SNX24: variants seen among roughly 807,000 people sequenced by gnomAD.
The protein encoded by SNX24 is sorting nexin-24.
A neutral mutation model predicts 28.7 loss-of-function variants in SNX24; 22 were observed. The observed-to-expected ratio is 0.77, with a 90% CI of 0.55 to 1.10. The LOEUF is 1.10. Ranked by LOEUF, SNX24 falls within the 50% of genes least tolerant of loss-of-function variation. The pLI, the probability that SNX24 is intolerant of heterozygous loss-of-function variation, is 0.00. For missense variants in SNX24, 221 were observed against 201.1 expected (o/e 1.10, Z -0.60); for synonymous variants, 69 against 71.5 (o/e 0.96, Z 0.18).
chr5:123,021,752 GT>G (rs944799269), intron 5 of SNX24, among the ~76,000 whole-genome samples: 1 of 152,068 alleles, frequency 6.6e-6, no homozygotes, highest in Non-Finnish European at 1.5e-5. Flanking sequence ...GCCCAAACTG[GT>G]CCAGTCTCAG....
rs991569288 is a variant in SNX24, at chr5:122,921,938, G to A, written c.61-14796G>A. ...TGTAACTAGCAGAATCTCTTTGTTT[G>A]GGGTAAAAGAAATCAATACAAGAAG... On this transcript the variant is annotated intron_variant, in intron 1 of 6. Coordinates refer to ENST00000261369, the MANE Select transcript of SNX24 (RefSeq NM_014035.4). 2.6e-5 allele frequency among the ~76,000 whole-genome samples: 4 copies of A among 152,234 alleles called. No individual in the cohort carries two copies. In the East Asian group the frequency reaches 5.8e-4, roughly 22 times the overall value.
chr5:122,931,166 CT>C, intron 1 of SNX24, among the ~76,000 whole-genome samples: 1 of 152,252 alleles, frequency 6.6e-6, no homozygotes, highest in East Asian at 1.9e-4. Context: ...TTCTTCCCCC[CT>C]ACCCAAAATA....
intron 5 of SNX24, among the ~76,000 whole-genome samples, chr5:123,019,931 A>G (rs541600196): frequency 1.8e-4 from 28 of 152,322 alleles, no homozygotes; most frequent in African/African-American, 6.3e-4. Flanking sequence ...TAGCAGGGGG[A>G]TGTCCTTAGC....
At chr5:122,968,736 C>T (rs1467102917) in intron 3 of SNX24, among the ~76,000 whole-genome samples, 1 of 152,070 alleles carries the variant, frequency 6.6e-6, no homozygotes, top group African/African-American at 2.4e-5. Flanking sequence ...TATCTATTCA[C>T]AGTACTCACA....
At chr5:122,902,726 C>T (rs181772947) in intron 1 of SNX24, among the ~76,000 whole-genome samples, 33 of 152,262 alleles carry the variant, frequency 2.2e-4, no homozygotes, top group African/African-American at 7.9e-4. Context: ...CAGGGTGACC[C>T]TGTCATGCTT....
intron 2 of SNX24, among the ~76,000 whole-genome samples, chr5:122,939,598 A>G (rs571648842): frequency 6.6e-5 from 10 of 152,300 alleles, no homozygotes; most frequent in African/African-American, 2.4e-4. Context: ...TTCTATCTTA[A>G]AATTAGTCAT....
rs924175716 is a variant in SNX24, at chr5:122,873,391, C to T, written c.60+27698C>T. Among the ~76,000 whole-genome samples, 4 of 152,152 alleles carry T rather than the reference C, an allele frequency of 2.6e-5. No individual in the cohort carries two copies. In the South Asian group the frequency reaches 6.2e-4, roughly 24 times the overall value. On this transcript the variant is annotated intron_variant, in intron 1 of 6. Coordinates refer to ENST00000261369, the MANE Select transcript of SNX24 (RefSeq NM_014035.4). ...TGGCCTAGATAATTCTAAATGCCTG[C>T]GTGGGGAGGCAGGCAGTCTGTTTAA...
chr5:123,028,948 A>G (rs1762903217), intron 5 of SNX24: 1 of 1,228,392 alleles, frequency 8.1e-7, no homozygotes, highest in Non-Finnish European at 1.2e-6. Context: ...TAGAAAGGAC[A>G]AACTGAGAAA....
chr5:122,868,952 T>C (rs1364762956), intron 1 of SNX24, among the ~76,000 whole-genome samples: 3 of 152,230 alleles, frequency 2.0e-5, no homozygotes, highest in Non-Finnish European at 4.4e-5. Flanking sequence ...AACATCGTAG[T>C]GTTTTTCTTC....
At chr5:122,925,024 CCTT>C (rs1360429495) in intron 1 of SNX24, among the ~76,000 whole-genome samples, 5 of 144,820 alleles carry the variant, frequency 3.5e-5, no homozygotes, top group Non-Finnish European at 7.6e-5. Context: ...CTCCCCTTCT[CCTT>C]CTCTCCCCAC....
chr5:122,970,662 G>T (rs564107698), intron 3 of SNX24, among the ~76,000 whole-genome samples: 1 of 152,232 alleles, frequency 6.6e-6, no homozygotes, highest in South Asian at 2.1e-4. Flanking sequence ...TAGAGACAGG[G>T]TTTCACCGTG....
intron 1 of SNX24, among the ~76,000 whole-genome samples, chr5:122,888,890 C>T (rs547907587): frequency 9.9e-5 from 15 of 152,252 alleles, no homozygotes; most frequent in East Asian, 5.8e-4. Flanking sequence ...CTCACTCTGT[C>T]GCCAAGAATG....
rs545807140 is a variant in SNX24 at position 122,962,961 on chromosome 5, T to C, written c.249+16802T>C. Among the ~76,000 whole-genome samples the C allele has an allele frequency of 3.3e-5, 5 of 152,272 alleles. No individual in the cohort carries two copies. In the South Asian group the frequency reaches 1.0e-3, roughly 32 times the overall value. The stretch of plus-strand genomic sequence containing the variant: ...GTTAAATTTTCCTCTAGGCTGGGCA[T>C]GGTGGCTCATGCCTGTAATCCCAGC... On this transcript the variant is annotated intron_variant, in intron 3 of 6. Coordinates refer to ENST00000261369, the MANE Select transcript of SNX24 (RefSeq NM_014035.4).
chr5:122,951,343 A>G (rs1451602085), intron 3 of SNX24, among the ~76,000 whole-genome samples: 1 of 151,650 alleles, frequency 6.6e-6, no homozygotes, highest in African/African-American at 2.4e-5. Flanking sequence ...AAGACCAGAA[A>G]TATTTCTTAC....
intron 1 of SNX24, among the ~76,000 whole-genome samples, chr5:122,898,673 A>T (rs1036386492): frequency 2.6e-5 from 4 of 152,274 alleles, no homozygotes; most frequent in African/African-American, 9.6e-5. Flanking sequence ...AAATGAAATC[A>T]AAATAAATAT....
intron 1 of SNX24, among the ~76,000 whole-genome samples, chr5:122,849,763 A>G (rs1240539520): frequency 6.6e-6 from 1 of 152,218 alleles, no homozygotes; most frequent in Non-Finnish European, 1.5e-5. Flanking sequence ...CTCCCCAAGT[A>G]TCCCCAAGCT....
chr5:123,001,588 G>GT, intron 5 of SNX24, 151 bp downstream of exon 5: 1 of 648,790 alleles, frequency 1.5e-6, no homozygotes, highest in South Asian at 2.0e-5. Context: ...AATTACAGGA[G>GT]TAACCAGTTA....
At chr5:122,949,033 C>T (rs1404810759) in intron 3 of SNX24, among the ~76,000 whole-genome samples, 2 of 152,144 alleles carry the variant, frequency 1.3e-5, no homozygotes, top group Non-Finnish European at 2.9e-5. Context: ...CTTTCATTTT[C>T]TGTGCTGTAT....
chr5:122,848,441 T>C (rs1484868668), intron 1 of SNX24, among the ~76,000 whole-genome samples: 1 of 150,762 alleles, frequency 6.6e-6, no homozygotes, highest in Non-Finnish European at 1.5e-5. Flanking sequence ...TGGTGGCTCA[T>C]GCCTGTAATC....
Sources: allele counts gnomAD v4.1 joint callset (sites outside exome capture counted in the v4.1 genomes callset), GRCh38; gene constraint gnomAD v4.1.1; transcripts MANE v1.5; gene names NCBI Gene and HGNC (gene_info 2026-07-23, HGNC 2026-07-21).